ZNF534: variants seen among roughly 807,000 people sequenced by gnomAD.
ZNF534 encodes zinc finger protein 534, also known as KRAB domain only 3.
Under a neutral mutation model 13.6 loss-of-function variants are expected in ZNF534, and 19 were observed. The ratio of observed to expected loss-of-function variants is 1.40; its 90% confidence interval spans 0.97 to 2.05. ZNF534 has a LOEUF of 2.05. Among genes scored for constraint, ZNF534 ranks in the 30% most tolerant of loss-of-function variants. ZNF534 has a pLI of 0.00. For synonymous variants in ZNF534, 244 were observed against 273.8 expected (o/e 0.89, Z 1.07); for missense variants, 782 against 796.3 (o/e 0.98, Z 0.22).
At chr19:52,434,343 TA>T (rs1434846707) in intron 3 of ZNF534, among the ~76,000 whole-genome samples, 63 of 151,262 alleles carry the variant, frequency 4.2e-4, no homozygotes, top group Non-Finnish European at 1.6e-4. Flanking sequence ...AGGGTGCCTG[TA>T]GTCCCAGCTA....
At position 52,442,429 on chromosome 19, in the gene ZNF534, T is replaced by C. The variant is rs2059178838; in HGVS notation, c.*2983T>C. ...TTGTTTCCCATAAGGAATGCTTTTA[T>C]GTAATCTATAATCAATAGAAACAAT... On this transcript the variant is annotated 3_prime_UTR_variant, in exon 5 of 5. Transcript: ENST00000433050. Among the ~76,000 whole-genome samples, 1 of 152,260 alleles carries C rather than the reference T, an allele frequency of 6.6e-6. No homozygotes were observed. The highest frequency in any genetic ancestry group is 2.4e-5 in the African/African-American group (1 of 41,472).
chr19:52,439,019 A>G lies in ZNF534; in HGVS notation c.1559A>G (p.Lys520Arg). The G allele has an allele frequency of 6.2e-7, 1 of 1,601,162 alleles. No homozygotes were observed. Among genetic ancestry groups the G allele is most frequent in the Non-Finnish European group, 8.5e-7 (1 of 1,173,422 alleles). ...AQHRDIHTGE[K>R]PYSCNECGKV... ...CATAGGGATATTCATACTGGAGAGAAGCCTTACAGTTGTAATGAATGTGGC... is the reference window on the plus strand; with the variant it reads ...CATAGGGATATTCATACTGGAGAGAGGCCTTACAGTTGTAATGAATGTGGC... Residue 520 changes from lysine to arginine, a missense_variant, in exon 5 of 5, where the codon AAG (lysine) becomes AGG (arginine). Physicochemically the swap from Lys to Arg is conservative, Grantham distance 26. Around this residue, in one of 5 missense-constraint regions of ZNF534, gnomAD observed 591 missense variants for 574.0 expected, o/e 1.03. Coordinates refer to ENST00000433050, the MANE Select transcript of ZNF534 (RefSeq NM_001143938.3).
rs2059158058 is a variant in ZNF534, at chr19:52,439,579, TAA to T, written c.*137_*138del. ...TAACACGGTGAAACCCCATCTCTAC[TAA>T]AAATACAAAAAAAAAAAAAAAAAAA... On this transcript the variant is annotated 3_prime_UTR_variant, in exon 5 of 5. Transcript: ENST00000433050. 1.7e-6 allele frequency: 1 copy of T among 575,116 alleles called. No homozygotes were observed. Among genetic ancestry groups the T allele is most frequent in the East Asian group, 4.2e-5 (1 of 23,666 alleles). 35.6% of individuals were successfully genotyped at this position (575,116 alleles called of 1,614,324 possible).
chr19:52,445,607 C>G (rs1181797381), downstream of ZNF534, among the ~76,000 whole-genome samples: 1 of 152,182 alleles, frequency 6.6e-6, no homozygotes, highest in East Asian at 1.9e-4. Flanking sequence ...ATCTTCCTTT[C>G]CCACTTACAC....
downstream of ZNF534, among the ~76,000 whole-genome samples, chr19:52,445,666 C>G (rs115505688): frequency 3.1e-3 from 476 of 152,318 alleles, 5 homozygotes; most frequent in African/African-American, 0.011. Context: ...CCTGCGGGAG[C>G]AAGAGCAACC....
intron 3 of ZNF534, 43 bp from the exon 4 acceptor site, chr19:52,435,038 G>T (rs1031459297): frequency 1.3e-6 from 2 of 1,592,296 alleles, no homozygotes; most frequent in Non-Finnish European, 1.7e-6. Context: ...CTTGGACTTT[G>T]GAGATGCCAC....
intron 1 of ZNF534, among the ~76,000 whole-genome samples, chr19:52,429,675 A>G (rs1459266873): frequency 6.6e-6 from 1 of 150,726 alleles, no homozygotes; most frequent in African/African-American, 2.4e-5. Flanking sequence ...GGCTCACTGC[A>G]AACTCCGCCT....
intron 4 of ZNF534, among the ~76,000 whole-genome samples, chr19:52,449,354 TTC>T (rs112933256): frequency 7.0e-4 from 102 of 146,564 alleles, no homozygotes; most frequent in East Asian, 1.8e-3. Flanking sequence ...TCCATCCTCA[TTC>T]TCTCTCTCTC....
rs1467377819 is a variant in ZNF534 at position 52,434,195 on chromosome 19, G to A, written c.142+114G>A. 7 of 1,486,060 alleles carry A rather than the reference G, an allele frequency of 4.7e-6. No homozygotes were observed. The East Asian group carries it at 9.2e-5, about 20-fold the overall frequency. The allele number at this position is 1,486,060 out of a possible 1,614,324, so 92.1% of individuals were successfully genotyped here. ...TGCTTGACTGAGATTGAAACCTGTT[G>A]ACTAAGAAATGAAAAGCAGGCCAGG... On this transcript the variant is annotated intron_variant, in intron 3 of 4. Transcript: ENST00000433050.
exon 5 of ZNF534, chr19:52,452,019 G>T: frequency 3.9e-6 from 1 of 253,596 alleles, no homozygotes; most frequent in Non-Finnish European, 8.1e-6. Flanking sequence ...AAAGTGTTTT[G>T]GTGTTTTACA....
intron 4 of ZNF534, among the ~76,000 whole-genome samples, chr19:52,447,505 T>C (rs980435573): frequency 1.3e-5 from 2 of 152,230 alleles, no homozygotes; most frequent in African/African-American, 4.8e-5. Flanking sequence ...AGTGACATTT[T>C]CCCTAAGGTA....
exon 5 of ZNF534, chr19:52,451,425 G>T: frequency 1.5e-6 from 1 of 678,588 alleles, no homozygotes; most frequent in Non-Finnish European, 2.6e-6. Context: ...CCCCTCGGCC[G>T]CGCAGTGCGG....
Position 52,439,632 on chromosome 19 carries a change from AC to A in ZNF534, c.*188del, listed in dbSNP as rs377223297. 5.9e-4 allele frequency among the ~76,000 whole-genome samples: 89 copies of A among 151,088 alleles called. 1 individual carries two copies. In the East Asian group the frequency reaches 0.017, roughly 28 times the overall value. On this transcript the variant is annotated 3_prime_UTR_variant, in exon 5 of 5. Coordinates refer to ENST00000433050, the MANE Select transcript of ZNF534 (RefSeq NM_001143938.3). Reference sequence around the variant, plus strand: ...AAATTAGCTGGGTGTGGTGGCAGGCACCTGTAGTCCCAGCTACTCAGGAGGC... The same window carrying A: ...AAATTAGCTGGGTGTGGTGGCAGGCACTGTAGTCCCAGCTACTCAGGAGGC...
Position 52,431,588 on chromosome 19 carries a change from CTCATT to C in ZNF534, c.15+105_15+109del. 3 of 1,502,808 alleles carry C rather than the reference CTCATT, an allele frequency of 2.0e-6. No individual in the cohort carries two copies. In the Admixed American group the frequency reaches 5.2e-5, roughly 26 times the overall value. The allele number at this position is 1,502,808 out of a possible 1,614,324, so 93.1% of individuals were successfully genotyped here. A position where few individuals can be genotyped will look rare whatever the true frequency, so the allele number is the denominator to read the frequency against. ...TCTGACTCTGAAGCATCCTGCCTGACTCATTTCATTGCACTTACCCATGGCTTCTT... is the reference window on the plus strand; with the variant it reads ...TCTGACTCTGAAGCATCCTGCCTGACTCATTGCACTTACCCATGGCTTCTT... On this transcript the variant is annotated intron_variant, in intron 2 of 4. Transcript: ENST00000433050.
exon 5 of ZNF534, chr19:52,451,875 G>T (rs1314555172): frequency 6.9e-6 from 5 of 719,994 alleles, no homozygotes; most frequent in Non-Finnish European, 1.2e-5. Context: ...TCCAGAAATA[G>T]AAGAAGTTCA....
chr19:52,437,094 C>G (rs1359749860), intron 4 of ZNF534, among the ~76,000 whole-genome samples: 1 of 151,790 alleles, frequency 6.6e-6, no homozygotes, highest in Non-Finnish European at 1.5e-5. Flanking sequence ...TCTTTCCTGA[C>G]TTTGTGAAAG....
rs1366167211 is a variant in ZNF534, at chr19:52,442,109, A to G, written c.*2663A>G. ...TATATGCTGAGGATATCCAAGGACC[A>G]TTACTATAGAACATGAAAAGGATTT... On this transcript the variant is annotated 3_prime_UTR_variant, in exon 5 of 5. Transcript: ENST00000433050. Among the ~76,000 whole-genome samples the G allele has an allele frequency of 6.6e-6, 1 of 152,218 alleles. No individual in the cohort carries two copies. The highest frequency in any genetic ancestry group is 2.4e-5 in the African/African-American group (1 of 41,458).
At chr19:52,442,572 CTT>C (rs1354663980), downstream of ZNF534, among the ~76,000 whole-genome samples, 2 of 152,230 alleles carry the variant, frequency 1.3e-5, no homozygotes, top group Non-Finnish European at 1.5e-5. Context: ...GTGTGTGTGT[CTT>C]TAATTCCTCT....
chr19:52,450,677 TTTTTTTTGTTTTTGTTTTTG>T lies in ZNF534; in HGVS notation c.272-502_272-483del, dbSNP rs1047951875. On this transcript the variant is annotated intron_variant, in intron 4 of 4. Transcript: ENST00000301085. ...TCCCTATGAATTTTAGGAGTTTTTT[TTTTTTTTGTTTTTGTTTTTG>T]TTTTTTTTTTTTAGACAAGGTCTCT... Among the ~76,000 whole-genome samples the T allele has an allele frequency of 6.8e-4, 23 of 33,756 alleles. 4 individuals are homozygous for T. Among genetic ancestry groups the T allele is most frequent in the Non-Finnish European group, 8.8e-4 (10 of 11,356 alleles). 22.1% of individuals were successfully genotyped at this position (33,756 alleles called of 152,430 possible). A position where few individuals can be genotyped will look rare whatever the true frequency, so the allele number is the denominator to read the frequency against.
Sources: gnomAD v4.1 joint callset for allele counts (sites outside exome capture counted in the v4.1 genomes callset) on GRCh38, gnomAD v4.1.1 for gene constraint, gnomAD v4.1.1 regional missense constraint, MANE v1.5 for transcripts, NCBI Gene and HGNC (gene_info 2026-07-23, HGNC 2026-07-21) for gene names.